GRIA3: variants seen among roughly 807,000 people sequenced by gnomAD.
The protein encoded by GRIA3 is glutamate ionotropic receptor AMPA type subunit 3.
GRIA3 carries 3 observed loss-of-function variants against 63.0 expected under a neutral mutation model. The ratio of observed to expected loss-of-function variants is 0.05; its 90% confidence interval spans 0.02 to 0.12. The LOEUF is 0.12. Among genes scored for constraint, GRIA3 ranks in the 10% least tolerant of loss-of-function variants. The pLI, the probability that GRIA3 is intolerant of heterozygous loss-of-function variation, is 1.00. For missense variants in GRIA3, 347 were observed against 700.9 expected (o/e 0.50, Z 5.70); for synonymous variants, 274 against 257.9 (o/e 1.06, Z -0.60).
chrX:123,383,937 C>T (rs1185578178), intron 5 of GRIA3, among the ~76,000 whole-genome samples: 2 of 111,468 alleles, frequency 1.8e-5, no homozygotes, highest in Admixed American at 1.9e-4. Flanking sequence ...TTCTCTCCCA[C>T]TTATAAGTGA....
At chrX:123,239,577 A>G (rs1225485958) in intron 2 of GRIA3, among the ~76,000 whole-genome samples, 1 of 111,886 alleles carries the variant, frequency 8.9e-6, no homozygotes, top group East Asian at 2.8e-4. Flanking sequence ...AGTTTCCATT[A>G]GTCATTAAAC....
chrX:123,196,704 T>A (rs886095094), intron 2 of GRIA3, among the ~76,000 whole-genome samples: 1 of 111,909 alleles, frequency 8.9e-6, no homozygotes, highest in African/African-American at 3.3e-5. Context: ...ATTTGGGAAC[T>A]CCTCTACCAT....
At chrX:123,210,082 A>G (rs1218392945) in intron 2 of GRIA3, among the ~76,000 whole-genome samples, 2 of 108,598 alleles carry the variant, frequency 1.8e-5, no homozygotes, top group Non-Finnish European at 1.9e-5. Flanking sequence ...TTTCTATCAG[A>G]GAAACATGAA....
At position 123,489,154 on chromosome X, in the gene GRIA3, T is replaced by TA. The variant is rs1407100119; in HGVS notation, c.*451dup. The TA allele has an allele frequency of 1.8e-5, 2 of 109,131 alleles. No individual in the cohort carries two copies. The highest frequency in any genetic ancestry group is 6.7e-5 in the African/African-American group (2 of 29,661). The allele number at this position is 109,131 out of a possible 1,213,427, so 9.0% of individuals were successfully genotyped here. A position where few individuals can be genotyped will look rare whatever the true frequency, so the allele number is the denominator to read the frequency against. On this transcript the variant is annotated 3_prime_UTR_variant, in exon 16 of 16. Coordinates refer to ENST00000620443, the MANE Select transcript of GRIA3 (RefSeq NM_007325.5). ...ATTCAGCAAAGAGGCCCATCTAAGC[T>TA]AAAAAAATTAATTCTTCCTGATTAA...
At chrX:123,364,254 T>C (rs2045196486) in intron 5 of GRIA3, among the ~76,000 whole-genome samples, 1 of 111,820 alleles carries the variant, frequency 8.9e-6, no homozygotes, top group Non-Finnish European at 1.9e-5. Flanking sequence ...AGCACCTATG[T>C]TGTAGAGTAT....
chrX:123,386,023 T>C (rs1171382961), intron 5 of GRIA3, among the ~76,000 whole-genome samples: 26 of 112,198 alleles, frequency 2.3e-4, no homozygotes, highest in Non-Finnish European at 9.4e-5. Flanking sequence ...TTTTCCATAG[T>C]GGCTATACTA....
chrX:123,347,005 G>A (rs1243685594), intron 4 of GRIA3, among the ~76,000 whole-genome samples: 1 of 112,064 alleles, frequency 8.9e-6, no homozygotes, highest in African/African-American at 3.2e-5. Context: ...TTCGATTTTT[G>A]TGGTGTTAGT....
At chrX:123,343,435 A>T (rs2045021847) in intron 4 of GRIA3, among the ~76,000 whole-genome samples, 1 of 111,230 alleles carries the variant, frequency 9.0e-6, no homozygotes, top group Non-Finnish European at 1.9e-5. Flanking sequence ...TCTGCAATAC[A>T]CTTTTCAGAT....
intron 2 of GRIA3, among the ~76,000 whole-genome samples, chrX:123,252,711 C>T (rs1457168513): frequency 1.8e-5 from 2 of 111,615 alleles, no homozygotes; most frequent in East Asian, 2.8e-4. Context: ...CCCTGTGACT[C>T]GATGAGCACT....
At chrX:123,251,395 C>T (rs2044388508) in intron 2 of GRIA3, among the ~76,000 whole-genome samples, 1 of 111,436 alleles carries the variant, frequency 9.0e-6, no homozygotes, top group South Asian at 3.8e-4. Context: ...TCATGAAGTA[C>T]CCCAGATTCA....
chrX:123,340,860 G>A (rs2045004201), intron 4 of GRIA3, among the ~76,000 whole-genome samples: 1 of 111,795 alleles, frequency 8.9e-6, no homozygotes, highest in African/African-American at 3.3e-5. Context: ...TAGCAAAGCT[G>A]TGTTCTCTGC....
chrX:123,249,602 G>A (rs756904310), intron 2 of GRIA3, among the ~76,000 whole-genome samples: 4 of 111,822 alleles, frequency 3.6e-5, no homozygotes, highest in Non-Finnish European at 7.5e-5. Flanking sequence ...GTGGAGCACA[G>A]GGGTCAATAT....
At position 123,326,970 on chromosome X, in the gene GRIA3, C is replaced by CA. The variant is rs371272086; in HGVS notation, c.696+767dup. ...TTTGAGACAGAGCAAGACTCTGTCT[C>CA]AAAAAAAAAATTATGTGAAACCCCA... On this transcript the variant is annotated intron_variant, in intron 4 of 15. Transcript: ENST00000620443. Among the ~76,000 whole-genome samples, 160 of 102,591 alleles carry CA rather than the reference C, an allele frequency of 1.6e-3. 1 individual carries two copies. Among genetic ancestry groups the CA allele is most frequent in the East Asian group, 3.1e-3 (10 of 3,259 alleles). The allele number at this position is 102,591 out of a possible 115,157, so 89.1% of individuals were successfully genotyped here. A position where few individuals can be genotyped will look rare whatever the true frequency, so the allele number is the denominator to read the frequency against.
intron 3 of GRIA3, among the ~76,000 whole-genome samples, chrX:123,314,257 T>C (rs1197158753): frequency 1.8e-5 from 2 of 112,259 alleles, no homozygotes; most frequent in Non-Finnish European, 3.8e-5. Flanking sequence ...ACCCTATTCA[T>C]GGGCATGATT....
intron 4 of GRIA3, among the ~76,000 whole-genome samples, chrX:123,326,972 A>G (rs989052927): frequency 9.8e-6 from 1 of 101,598 alleles, no homozygotes; most frequent in African/African-American, 4.3e-5. Flanking sequence ...CTCTGTCTCA[A>G]AAAAAAAATT....
chrX:123,257,366 G>A (rs997864325), intron 3 of GRIA3, among the ~76,000 whole-genome samples: 2 of 108,123 alleles, frequency 1.8e-5, no homozygotes, highest in Non-Finnish European at 3.8e-5. Context: ...GAAAGAAAGA[G>A]AGAAAGAAAG....
At chrX:123,453,429 A>G (rs1414855243) in intron 12 of GRIA3, among the ~76,000 whole-genome samples, 1 of 110,993 alleles carries the variant, frequency 9.0e-6, no homozygotes, top group Non-Finnish European at 1.9e-5. Context: ...ATTAGGAGAT[A>G]TACCTAATGT....
intron 12 of GRIA3, among the ~76,000 whole-genome samples, chrX:123,459,472 A>AC (rs1219521876): frequency 8.9e-6 from 1 of 112,202 alleles, no homozygotes; most frequent in African/African-American, 3.2e-5. Flanking sequence ...ACGAATAGTT[A>AC]GAGCTACAAC....
chrX:123,428,923 G>A (rs887005941), intron 12 of GRIA3, among the ~76,000 whole-genome samples: 4 of 111,976 alleles, frequency 3.6e-5, no homozygotes, highest in Admixed American at 1.9e-4. Flanking sequence ...GACTATTAAG[G>A]AAGAATACTA....
Sources: gnomAD v4.1 joint callset for allele counts (sites outside exome capture counted in the v4.1 genomes callset) on GRCh38, gnomAD v4.1.1 for gene constraint, MANE v1.5 for transcripts, NCBI Gene and HGNC (gene_info 2026-07-23, HGNC 2026-07-21) for gene names.